Variants in SYNE1 observed in about 807,000 individuals in gnomAD.
The protein encoded by SYNE1 is nesprin-1.
In SYNE1, 616 loss-of-function variants were observed where a neutral mutation model predicts 1,111.0. The observed-to-expected ratio is 0.55, with a 90% CI of 0.52 to 0.59. The LOEUF (loss-of-function observed/expected upper bound fraction) is 0.59. Ranked by LOEUF, SYNE1 falls within the 20% of genes least tolerant of loss-of-function variation. The pLI is 0.00. For synonymous variants in SYNE1, 3,855 were observed against 3,825.8 expected (o/e 1.01, Z -0.28); for missense variants, 10,006 against 10,417.0 (o/e 0.96, Z 1.72).
chr6:152,317,059 CTCTT>C (rs1457606963), intron 86 of SYNE1, 73 bp from the exon 87 acceptor site: 2 of 1,563,554 alleles, frequency 1.3e-6, no homozygotes, highest in African/African-American at 1.3e-5. Context: ...AGTCTTCTCT[CTCTT>C]TGGACACAAC....
intron 129 of SYNE1, 63 bp downstream of exon 129, chr6:152,180,073 C>T: frequency 6.4e-7 from 1 of 1,565,842 alleles, no homozygotes; most frequent in South Asian, 1.1e-5. Flanking sequence ...ACCTTCTGTA[C>T]CTGTGAAAAG....
At chr6:152,354,182 C>T (rs2096794466) in intron 67 of SYNE1, among the ~76,000 whole-genome samples, 1 of 152,052 alleles carries the variant, frequency 6.6e-6, no homozygotes, top group Non-Finnish European at 1.5e-5. Context: ...AACAAAGTGG[C>T]ATAATTTTTT....
At position 152,334,069 on chromosome 6, in the gene SYNE1, A is replaced by T. The variant is rs370010653; in HGVS notation, c.12733T>A (p.Cys4245Ser). The T allele has an allele frequency of 3.1e-6, 5 of 1,614,084 alleles. No homozygotes were observed. The highest frequency in any genetic ancestry group is 4.2e-6 in the Non-Finnish European group (5 of 1,180,050). The change falls in exon 77 of 146, where the codon TGT (cysteine) becomes AGT (serine). Residue 4245 changes from cysteine to serine, a missense_variant. By Grantham distance (112) the Cys-to-Ser change is moderately radical (BLOSUM62 -1). Around this residue, in one of 7 missense-constraint regions of SYNE1, gnomAD observed 4,955 missense variants for 5,017.2 expected, o/e 0.99. Coordinates refer to ENST00000367255, the MANE Select transcript of SYNE1 (RefSeq NM_182961.4). ...DLQRTRDYHD[C>S]MNVVEVFLEK... ...AGGAACACTTCAACAACATTCATAC[A>T]GTCATGGTAATCTCTTGTTCTCTGA... is the stretch of plus-strand genomic sequence containing the variant.
At chr6:152,166,743 T>G (rs753832187) in intron 130 of SYNE1, among the ~76,000 whole-genome samples, 1 of 152,214 alleles carries the variant, frequency 6.6e-6, no homozygotes, top group Non-Finnish European at 1.5e-5. Flanking sequence ...ATTTAAGCAG[T>G]TCTTTTTCAT....
chr6:152,482,998 C>A (rs1253706158), intron 14 of SYNE1, 87 bp downstream of exon 14: 1 of 1,454,472 alleles, frequency 6.9e-7, no homozygotes, highest in Non-Finnish European at 9.6e-7. Flanking sequence ...TTTGGGGCGT[C>A]CCCGCCAGAG....
chr6:152,353,994 G>C (rs2096789814), intron 67 of SYNE1, among the ~76,000 whole-genome samples: 1 of 152,062 alleles, frequency 6.6e-6, no homozygotes, highest in Admixed American at 6.6e-5. Context: ...ATGAAAACAG[G>C]CCAGGTGCGG....
chr6:152,242,115 A>T, intron 107 of SYNE1, 125 bp downstream of exon 107: 1 of 1,001,598 alleles, frequency 1.0e-6, no homozygotes, highest in Non-Finnish European at 1.5e-6. Flanking sequence ...ATTTTTAAAG[A>T]ATAACTTATA....
chr6:152,308,648 A>G lies in SYNE1; in HGVS notation c.17203-16T>C. 6.3e-7 allele frequency: 1 copy of G among 1,590,574 alleles called. No individual in the cohort carries two copies. The highest frequency in any genetic ancestry group is 8.5e-7 in the Non-Finnish European group (1 of 1,175,288). Reference sequence around the variant, plus strand: ...CCACAGCTTCCTTTGAAAAAAAAAAAAAACAGAAAGATAGACAGTTTTTTT... The same window carrying G: ...CCACAGCTTCCTTTGAAAAAAAAAAGAAACAGAAAGATAGACAGTTTTTTT... On this transcript the variant is annotated splice_polypyrimidine_tract_variant and intron_variant, in intron 90 of 145. Transcript: ENST00000367255.
chr6:152,432,634 G>A (rs2098438859), intron 34 of SYNE1, among the ~76,000 whole-genome samples: 1 of 151,902 alleles, frequency 6.6e-6, no homozygotes, highest in Non-Finnish European at 1.5e-5. Flanking sequence ...AATAAGGGTG[G>A]AAATAATAGT....
chr6:152,600,754 C>G (rs2128639612), intron 3 of SYNE1, among the ~76,000 whole-genome samples: 1 of 152,222 alleles, frequency 6.6e-6, no homozygotes, highest in Non-Finnish European at 1.5e-5. Flanking sequence ...ATTGGGGTCA[C>G]TGGAGGAAAG....
At chr6:152,255,545 T>G (rs754720034) in intron 103 of SYNE1, 46 bp downstream of exon 103, 2 of 1,603,946 alleles carry the variant, frequency 1.2e-6, no homozygotes, top group Admixed American at 3.3e-5. Flanking sequence ...AAATGTCAAG[T>G]GCTTTGTAAT....
chr6:152,126,387 T>C (rs1410213166), intron 145 of SYNE1: 1 of 152,186 alleles, frequency 6.6e-6, no homozygotes, highest in Non-Finnish European at 1.5e-5. Context: ...GTGCTAAAAA[T>C]CACCTAAGTT....
rs755199419 is a variant in SYNE1 at position 152,143,673 on chromosome 6, G to A, written c.25069C>T (p.Arg8357Cys). The A allele has an allele frequency of 1.7e-5, 27 of 1,614,050 alleles. No individual in the cohort carries two copies. Among genetic ancestry groups the A allele is most frequent in the South Asian group, 3.3e-5 (3 of 91,080 alleles). The part of the protein sequence containing the change: ...FQIQQTENII[R>C]SKTPTGPELD... Reference sequence around the variant, plus strand: ...TCCGGCCCCGTGGGAGTTTTGCTGCGAATGATATTTTCGGTTTGCTGTATC... The same window carrying A: ...TCCGGCCCCGTGGGAGTTTTGCTGCAAATGATATTTTCGGTTTGCTGTATC... Residue 8357 changes from arginine (R) to cysteine (C), a missense_variant, in exon 138 of 146, where the codon CGC (arginine) becomes TGC (cysteine). Transcript: ENST00000367255.
chr6:152,541,150 T>A (rs2099267570), intron 3 of SYNE1, among the ~76,000 whole-genome samples: 2 of 152,190 alleles, frequency 1.3e-5, no homozygotes, highest in Non-Finnish European at 2.9e-5. Flanking sequence ...ATTAGAGGTA[T>A]AAAGAGATAA....
In SYNE1 at chr6:152,122,205, G is replaced by A; in HGVS notation, c.*231C>T. On this transcript the variant is annotated 3_prime_UTR_variant, in exon 146 of 146. Coordinates refer to ENST00000367255, the MANE Select transcript of SYNE1 (RefSeq NM_182961.4). The stretch of plus-strand genomic sequence containing the variant: ...AATCTCCTTAGTGCTAAGGTTCAGA[G>A]TCTCAAACCAGATTTCTTCCAAACC... 1 of 641,454 alleles carries A rather than the reference G, an allele frequency of 1.6e-6. No homozygotes were observed. Among genetic ancestry groups the A allele is most frequent in the South Asian group, 1.9e-5 (1 of 53,586 alleles). The allele number at this position is 641,454 out of a possible 1,614,324, so 39.7% of individuals were successfully genotyped here.
chr6:152,339,189 C>G (rs921968579), intron 75 of SYNE1, 52 bp downstream of exon 75: 21 of 1,604,224 alleles, frequency 1.3e-5, no homozygotes, highest in Admixed American at 1.7e-5. Context: ...AACATTCAAG[C>G]AAGAGAATAT....
At chr6:152,541,716 C>T (rs1489709648) in intron 3 of SYNE1, among the ~76,000 whole-genome samples, 3 of 141,650 alleles carry the variant, frequency 2.1e-5, no homozygotes, top group African/African-American at 7.7e-5. Context: ...TCACTGCACT[C>T]CAGCCTGGGC....
intron 82 of SYNE1, among the ~76,000 whole-genome samples, chr6:152,323,148 C>T (rs1362031715): frequency 6.6e-6 from 1 of 152,132 alleles, no homozygotes; most frequent in African/African-American, 2.4e-5. Context: ...AGGCCAAGTT[C>T]AGTAACAGAA....
chr6:152,256,273 A>T (rs902505410), intron 102 of SYNE1, among the ~76,000 whole-genome samples: 9 of 149,186 alleles, frequency 6.0e-5, no homozygotes, highest in African/African-American at 2.2e-4. Context: ...AAAAAAAATA[A>T]AAAAAAATCA....
Sources: allele counts gnomAD v4.1 joint callset (sites outside exome capture counted in the v4.1 genomes callset), GRCh38; gene constraint gnomAD v4.1.1; regional missense constraint gnomAD v4.1.1; transcripts MANE v1.5; gene names NCBI Gene and HGNC (gene_info 2026-07-23, HGNC 2026-07-21).